The following CNTN1 variants were observed in gnomAD, a reference collection of about 807,000 sequenced individuals.
CNTN1 encodes the protein contactin-1.
Under a neutral mutation model 126.4 loss-of-function variants are expected in CNTN1, and 38 were observed. That is an observed-to-expected ratio of 0.30 (90% confidence interval 0.23 to 0.39). CNTN1 has a LOEUF of 0.39. Among genes scored for constraint, CNTN1 ranks in the 10% least tolerant of loss-of-function variants. The pLI is 1.00. For synonymous variants in CNTN1, 413 were observed against 422.6 expected (o/e 0.98, Z 0.28); for missense variants, 1,009 against 1,248.4 (o/e 0.81, Z 2.89).
chr12:40,779,138 T>G (rs955334417), intron 1 of CNTN1, among the ~76,000 whole-genome samples: 1 of 151,800 alleles, frequency 6.6e-6, no homozygotes, highest in Non-Finnish European at 1.5e-5. Context: ...TTTTTAAGGA[T>G]TTTTGATAAT....
chr12:40,842,220 G>C (rs1942313016), intron 1 of CNTN1, among the ~76,000 whole-genome samples: 1 of 151,966 alleles, frequency 6.6e-6, no homozygotes, highest in Admixed American at 6.6e-5. Flanking sequence ...ATATCAGTGA[G>C]TATCTTGATG....
intron 3 of CNTN1, among the ~76,000 whole-genome samples, chr12:40,911,754 T>C (rs1945045743): frequency 6.6e-6 from 1 of 152,188 alleles, no homozygotes; most frequent in Non-Finnish European, 1.5e-5. Context: ...TGTATCTATC[T>C]ACCTTTAAAA....
intron 15 of CNTN1, among the ~76,000 whole-genome samples, chr12:40,977,772 TTTTGTTTTG>T (rs1566078856): frequency 0.19 from 27,916 of 145,332 alleles, 2,948 homozygotes; most frequent in Admixed American, 0.27. Flanking sequence ...ATCTGTTTTG[TTTTGTTTTG>T]TTTTGTTTTG....
intron 1 of CNTN1, among the ~76,000 whole-genome samples, chr12:40,879,684 A>G (rs1025409118): frequency 1.3e-5 from 2 of 152,134 alleles, no homozygotes; most frequent in African/African-American, 4.8e-5. Flanking sequence ...AAAAATATGC[A>G]TAGATTTGTT....
chr12:41,039,421 A>G (rs1383123849), intron 23 of CNTN1, among the ~76,000 whole-genome samples: 2 of 152,204 alleles, frequency 1.3e-5, no homozygotes, highest in African/African-American at 4.8e-5. Context: ...TGGATATGGC[A>G]GAACTTTAAG....
chr12:40,767,509 C>T (rs574244040), intron 1 of CNTN1, among the ~76,000 whole-genome samples: 1 of 151,900 alleles, frequency 6.6e-6, no homozygotes, highest in South Asian at 2.1e-4. Context: ...GGGGTTTCAC[C>T]GTGTTAGCCA....
At chr12:40,776,910 C>A (rs538931927) in intron 1 of CNTN1, among the ~76,000 whole-genome samples, 1 of 151,788 alleles carries the variant, frequency 6.6e-6, no homozygotes, top group South Asian at 2.1e-4. Context: ...TCTGGCCACA[C>A]TTTTATACTG....
At chr12:40,783,982 T>C (rs1231730038) in intron 1 of CNTN1, among the ~76,000 whole-genome samples, 7 of 152,128 alleles carry the variant, frequency 4.6e-5, no homozygotes, top group Non-Finnish European at 8.8e-5. Flanking sequence ...CAGCTAACAG[T>C]AAAGAAAAAT....
At chr12:40,898,279 A>G (rs1471486410) in intron 1 of CNTN1, among the ~76,000 whole-genome samples, 2 of 152,188 alleles carry the variant, frequency 1.3e-5, no homozygotes, top group Non-Finnish European at 2.9e-5. Flanking sequence ...TGCTACTGCT[A>G]CAATATGTCT....
At chr12:41,025,542 A>T (rs1949019509) in intron 21 of CNTN1, among the ~76,000 whole-genome samples, 1 of 152,220 alleles carries the variant, frequency 6.6e-6, no homozygotes, top group African/African-American at 2.4e-5. Flanking sequence ...TAAATATTCC[A>T]TTATAGAAAT....
chr12:40,912,395 T>C (rs1293527961), intron 3 of CNTN1, among the ~76,000 whole-genome samples: 1 of 117,124 alleles, frequency 8.5e-6, no homozygotes, highest in South Asian at 2.5e-4. Flanking sequence ...TACTTTACTT[T>C]CAGAAAGAAA....
chr12:41,058,083 G>A (rs1475315051), intron 23 of CNTN1, among the ~76,000 whole-genome samples: 1 of 151,972 alleles, frequency 6.6e-6, no homozygotes, highest in Non-Finnish European at 1.5e-5. Flanking sequence ...GAGAGAAGTG[G>A]TCCTGTGACA....
chr12:40,833,909 C>T (rs1041348), intron 1 of CNTN1, among the ~76,000 whole-genome samples: 5,439 of 152,210 alleles, frequency 0.036, 182 homozygotes, highest in African/African-American at 0.083. Context: ...AATTTTGAAA[C>T]TGTAACTACC....
At chr12:40,783,698 GT>G (rs1831746469) in intron 1 of CNTN1, among the ~76,000 whole-genome samples, 1 of 151,944 alleles carries the variant, frequency 6.6e-6, no homozygotes, top group Non-Finnish European at 1.5e-5. Flanking sequence ...TCCTTTACTC[GT>G]TGTGTGAAAC....
In CNTN1 at chr12:40,939,391, G is replaced by A; in HGVS notation, c.1285G>A (p.Gly429Ser). The stretch of plus-strand genomic sequence containing the variant: ...GAAGAAAAAGATCCTGGCTGCTAAA[G>A]GTGGAAGGGTGATAATTGAATGCAA... ...PMKKKILAAK[G>S]GRVIIECKPK... Residue 429 changes from glycine to serine, a missense_variant, in exon 12 of 24, where the codon GGT becomes AGT. Gly to Ser is a moderately conservative substitution (Grantham distance 56). Transcript: ENST00000551295. 6.2e-7 allele frequency: 1 copy of A among 1,613,946 alleles called. No homozygotes were observed. The highest frequency in any genetic ancestry group is 8.5e-7 in the Non-Finnish European group (1 of 1,179,944).
chr12:40,911,172 C>T (rs12813013), intron 3 of CNTN1, among the ~76,000 whole-genome samples: 5,060 of 150,774 alleles, frequency 0.034, 110 homozygotes, highest in Middle Eastern at 0.088. Flanking sequence ...GCTCCACCTC[C>T]GGGATTCACG....
intron 1 of CNTN1, among the ~76,000 whole-genome samples, chr12:40,799,728 T>C (rs1219206316): frequency 6.6e-6 from 1 of 152,034 alleles, no homozygotes; most frequent in African/African-American, 2.4e-5. Flanking sequence ...ATAAAGTTTA[T>C]ATATTAATAG....
intron 1 of CNTN1, among the ~76,000 whole-genome samples, chr12:40,794,454 A>G (rs1036583536): frequency 2.7e-5 from 4 of 149,432 alleles, no homozygotes; most frequent in Admixed American, 1.3e-4. Context: ...TTTTTTTTGC[A>G]TGGTTGGTGA....
intron 1 of CNTN1, among the ~76,000 whole-genome samples, chr12:40,779,407 T>A (rs1276313831): frequency 1.3e-5 from 2 of 151,874 alleles, no homozygotes; most frequent in Non-Finnish European, 2.9e-5. Context: ...ACACTTATAA[T>A]TTAAAAGCTA....
Sources: allele counts gnomAD v4.1 joint callset (sites outside exome capture counted in the v4.1 genomes callset), GRCh38; gene constraint gnomAD v4.1.1; transcripts MANE v1.5; gene names NCBI Gene and HGNC (gene_info 2026-07-23, HGNC 2026-07-21).